Variants in DBF4B observed in about 807,000 individuals in gnomAD.
DBF4B encodes the protein protein DBF4 homolog B.
A neutral mutation model predicts 53.4 loss-of-function variants in DBF4B; 49 were observed. The ratio of observed to expected loss-of-function variants is 0.92; its 90% CI spans 0.73 to 1.16. The LOEUF is 1.16. DBF4B is among the 50% of genes most tolerant of loss of function. The probability of loss-of-function intolerance (pLI) is 0.00; values close to 1 mark genes in which losing one functional copy is unlikely to be tolerated. For synonymous variants in DBF4B, 257 were observed against 288.7 expected, an observed-to-expected ratio of 0.89 and a Z score of 1.11; for missense variants, 692 against 775.0, an observed-to-expected ratio of 0.89 and a Z score of 1.27.
At chr17:44,747,908 G>C (rs982430917) in intron 12 of DBF4B, among the ~76,000 whole-genome samples, 2 of 152,206 alleles carry the variant, frequency 1.3e-5, no homozygotes, top group Middle Eastern at 3.4e-3. Context: ...GGTTTGGTGG[G>C]AATTCCAGGG....
At chr17:44,732,474 G>A (rs147235925) in intron 6 of DBF4B, 164 of 572,964 alleles carry the variant, frequency 2.9e-4, no homozygotes, top group African/African-American at 2.4e-3. Context: ...TCGGCATCCC[G>A]CAGGAGGTCC....
At chr17:44,718,633 A>T (rs1298563841) in intron 2 of DBF4B, among the ~76,000 whole-genome samples, 2 of 152,012 alleles carry the variant, frequency 1.3e-5, no homozygotes, top group African/African-American at 4.8e-5. Context: ...CCAGTATGTT[A>T]TCAGGAGGCA....
At chr17:44,740,492 G>A (rs1002046895) in intron 9 of DBF4B, among the ~76,000 whole-genome samples, 3 of 152,224 alleles carry the variant, frequency 2.0e-5, no homozygotes, top group Non-Finnish European at 4.4e-5. Context: ...CCTTCACTGT[G>A]CCTGTCTTCT....
At position 44,731,005 on chromosome 17, in the gene DBF4B, T is replaced by C. The variant is rs1974785360; in HGVS notation, c.458T>C (p.Ile153Thr). ...GGGAAGGAGCTGCTGCAGAAGGCTATCAGAAACCAGGTGAGCTGGGGCAAG... is the reference window on the plus strand; with the variant it reads ...GGGAAGGAGCTGCTGCAGAAGGCTACCAGAAACCAGGTGAGCTGGGGCAAG... ...SRGKELLQKA[I>T]RNQGSISGGG... Residue 153 changes from isoleucine (I) to threonine (T), a missense_variant, in exon 5 of 14, where the codon ATC becomes ACC. This residue lies in a region of DBF4B where 597 missense variants were observed against 665.8 expected (regional missense o/e 0.90). Transcript: ENST00000315005. The C allele has an allele frequency of 6.2e-7, 1 of 1,614,040 alleles. No individual in the cohort carries two copies. Among genetic ancestry groups the C allele is most frequent in the African/African-American group, 1.3e-5 (1 of 75,046 alleles).
In DBF4B at chr17:44,751,839, T is replaced by G. The variant is rs1259461134; in HGVS notation, c.*586T>G. 2.0e-6 allele frequency: 3 copies of G among 1,534,748 alleles called. No individual in the cohort carries two copies. The highest frequency in any genetic ancestry group is 3.9e-5 in the Admixed American group (2 of 50,940). On this transcript the variant is annotated 3_prime_UTR_variant, in exon 14 of 14. Transcript: ENST00000315005. ...TTCCTTTTCTCCTTTCTTTCCTCCT[T>G]GAAGCCTGGCTCCCTTGGTCGCAGC...
chr17:44,725,883 C>T (rs979457967), intron 3 of DBF4B, among the ~76,000 whole-genome samples: 3 of 151,540 alleles, frequency 2.0e-5, no homozygotes, highest in South Asian at 2.1e-4. Context: ...GGCAGAGTGT[C>T]GCCATGTTGC....
intron 3 of DBF4B, among the ~76,000 whole-genome samples, chr17:44,728,297 ACAT>A (rs1974533456): frequency 1.3e-5 from 2 of 152,190 alleles, no homozygotes; most frequent in African/African-American, 4.8e-5. Flanking sequence ...CAGAACTCAC[ACAT>A]CATAATTTCC....
chr17:44,737,649 C>T lies in DBF4B; in HGVS notation c.668-730C>T, dbSNP rs181923687. Among the ~76,000 whole-genome samples, 241 of 152,228 alleles carry T rather than the reference C, an allele frequency of 1.6e-3. 1 individual carries two copies. Among genetic ancestry groups the T allele is most frequent in the African/African-American group, 5.6e-3 (231 of 41,536 alleles). On this transcript the variant is annotated intron_variant, in intron 8 of 13. Coordinates refer to ENST00000315005, the MANE Select transcript of DBF4B (RefSeq NM_145663.3). ...ATTTCAGCTGCCTTGGCTGCCCCTT[C>T]GACAGGACTCCTGGTCACTGTGGGT...
intron 2 of DBF4B, chr17:44,720,100 C>A (rs1012286902): frequency 3.6e-6 from 1 of 274,034 alleles, no homozygotes; most frequent in Non-Finnish European, 7.2e-6. Context: ...AGTCCCAAGA[C>A]CAGCTGCTTC....
At position 44,749,157 on chromosome 17, in the gene DBF4B, C is replaced by T. The variant is rs1598869105; in HGVS notation, c.1189+692C>T. The T allele has an allele frequency of 2.3e-6, 3 of 1,289,756 alleles. No individual in the cohort carries two copies. The highest frequency in any genetic ancestry group is 5.6e-5 in the East Asian group (1 of 18,014). The allele number at this position is 1,289,756 out of a possible 1,614,324, so 79.9% of individuals were successfully genotyped here. A position where few individuals can be genotyped will look rare whatever the true frequency, so the allele number is the denominator to read the frequency against. Reference sequence around the variant, plus strand: ...CACCTGTAGAGAGCAGGTCTACCTCCCTCCTGCAGCCCCTGCCAGCCAGTG... The same window carrying T: ...CACCTGTAGAGAGCAGGTCTACCTCTCTCCTGCAGCCCCTGCCAGCCAGTG... On this transcript the variant is annotated intron_variant, in intron 13 of 13. Coordinates refer to ENST00000315005, the MANE Select transcript of DBF4B (RefSeq NM_145663.3). This position sits in a 1 kb window ranked among gnomAD's most constrained non-coding sequence, Gnocchi z 4.4.
In DBF4B at chr17:44,731,095, A is replaced by G. The variant is rs1330086863; in HGVS notation, c.468+80A>G. 4 of 1,524,346 alleles carry G rather than the reference A, an allele frequency of 2.6e-6. No homozygotes were observed. The African/African-American group carries it at 5.5e-5, about 21-fold the overall frequency. 94.4% of individuals were successfully genotyped at this position (1,524,346 alleles called of 1,614,324 possible). On this transcript the variant is annotated intron_variant, in intron 5 of 13. Coordinates refer to ENST00000315005, the MANE Select transcript of DBF4B (RefSeq NM_145663.3). Reference sequence around the variant, plus strand: ...TCACTCTTCTTCCCAGGTTCTTCTGAAGCACCCACACAAAATGCACACTCT... The same window carrying G: ...TCACTCTTCTTCCCAGGTTCTTCTGGAGCACCCACACAAAATGCACACTCT...
intron 3 of DBF4B, among the ~76,000 whole-genome samples, chr17:44,726,289 C>CTTTTTTTT (rs1370895121): frequency 1.9e-5 from 1 of 53,552 alleles, no homozygotes; most frequent in Non-Finnish European, 4.7e-5. Flanking sequence ...GCACCCGGCC[C>CTTTTTTTT]TTTTTTATTT....
intron 6 of DBF4B, chr17:44,732,537 A>C: frequency 2.4e-6 from 1 of 417,914 alleles, no homozygotes; most frequent in South Asian, 3.0e-5. Flanking sequence ...AGCTAGTATG[A>C]TGATCCTGTT....
intron 2 of DBF4B, among the ~76,000 whole-genome samples, chr17:44,712,945 C>T (rs1973009568): frequency 6.6e-6 from 1 of 151,914 alleles, no homozygotes; most frequent in Admixed American, 6.6e-5. Flanking sequence ...CACTTCTCTG[C>T]ACCACACACA....
In DBF4B at chr17:44,716,051, C is replaced by T. The variant is rs564708176; in HGVS notation, c.82+6685C>T. Among the ~76,000 whole-genome samples the T allele has an allele frequency of 5.3e-5, 8 of 151,366 alleles. No individual in the cohort carries two copies. The South Asian group carries it at 1.5e-3, about 28-fold the overall frequency. On this transcript the variant is annotated intron_variant, in intron 2 of 13. Transcript: ENST00000315005. ...GTTGGCCAGGCTGGTCTTAAACTCCCGATCTGAGGTAATCCACCCGCCTCG... is the reference window on the plus strand; with the variant it reads ...GTTGGCCAGGCTGGTCTTAAACTCCTGATCTGAGGTAATCCACCCGCCTCG...
chr17:44,746,056 A>G (rs1371892108), intron 10 of DBF4B, among the ~76,000 whole-genome samples: 3 of 3,104 alleles, frequency 9.7e-4, no homozygotes, highest in Admixed American at 5.2e-3. Context: ...AAAAATACAA[A>G]AAAAAAAAAA....
intron 3 of DBF4B, among the ~76,000 whole-genome samples, chr17:44,723,802 T>G (rs1409539405): frequency 6.6e-6 from 1 of 151,348 alleles, no homozygotes; most frequent in African/African-American, 2.4e-5. Context: ...AAAATAAAGA[T>G]AAATCTTTTT....
At chr17:44,743,287 G>GCTTCC (rs1976259368) in intron 10 of DBF4B, among the ~76,000 whole-genome samples, 1 of 152,172 alleles carries the variant, frequency 6.6e-6, no homozygotes, top group Admixed American at 6.5e-5. Flanking sequence ...CAAAGTTCCA[G>GCTTCC]GCACGTGTGT....
At chr17:44,712,045 C>T (rs897646336) in intron 2 of DBF4B, among the ~76,000 whole-genome samples, 14 of 149,782 alleles carry the variant, frequency 9.3e-5, no homozygotes, top group Non-Finnish European at 1.8e-4. Flanking sequence ...TGCAGTGAGC[C>T]GAGACTGTGC....
Sources: gnomAD v4.1 joint callset for allele counts (sites outside exome capture counted in the v4.1 genomes callset) on GRCh38, gnomAD v4.1.1 for gene constraint, gnomAD v4.1.1 regional missense constraint, Gnocchi (gnomAD v3.1) non-coding constraint, MANE v1.5 for transcripts, NCBI Gene and HGNC (gene_info 2026-07-23, HGNC 2026-07-21) for gene names.